PROM1: variants seen among roughly 807,000 people sequenced by gnomAD.
PROM1 encodes prominin 1, also known as prominin-1.
Under a neutral mutation model 116.9 loss-of-function variants are expected in PROM1, and 105 were observed. The observed-to-expected ratio is 0.90, with a 90% confidence interval of 0.77 to 1.06. PROM1 has a LOEUF of 1.06. Ranked by LOEUF, PROM1 falls within the 50% of genes least tolerant of loss-of-function variation. The pLI, the probability that PROM1 is intolerant of heterozygous loss-of-function variation, is 0.00. For missense variants in PROM1, 1,122 were observed against 1,045.2 expected (o/e 1.07, Z -1.01); for synonymous variants, 393 against 387.0 (o/e 1.02, Z -0.18).
intron 10 of PROM1, 149 bp downstream of exon 10, chr4:16,016,017 C>T: frequency 1.5e-6 from 1 of 674,154 alleles, no homozygotes. Context: ...AGGATGAACA[C>T]AATTGCCTGG....
chr4:16,063,934 G>T (rs1047178281), intron 2 of PROM1, among the ~76,000 whole-genome samples: 47 of 152,174 alleles, frequency 3.1e-4, no homozygotes, highest in African/African-American at 1.1e-3. Context: ...GTTGAAAGTT[G>T]TTGGAGCTGA....
At chr4:16,005,523 T>C (rs1379904785) in intron 13 of PROM1, among the ~76,000 whole-genome samples, 1 of 151,546 alleles carries the variant, frequency 6.6e-6, no homozygotes, top group Non-Finnish European at 1.5e-5. Flanking sequence ...TGTGTGTGTG[T>C]GTGTGTGTGT....
At position 16,035,735 on chromosome 4, in the gene PROM1, C is replaced by G; in HGVS notation, c.303G>C (p.Lys101Asn). The change falls in exon 4 of 28, where the codon AAG becomes AAC. Residue 101 changes from lysine to asparagine, a missense_variant and splice_region_variant. Physicochemically the swap from Lys to Asn is moderately conservative, Grantham distance 94. Coordinates refer to ENST00000447510, the MANE Select transcript of PROM1 (RefSeq NM_006017.3). ...DKPETVILGL[K>N]IVYYEAGIIL... ...TTGAAATAGCAGACAAGGACTTTAC[C>G]TTTAGACCTAAGATTACAGTTTCTG... 6.2e-7 allele frequency: 1 copy of G among 1,613,130 alleles called. No homozygotes were observed. Among genetic ancestry groups the G allele is most frequent in the Non-Finnish European group, 8.5e-7 (1 of 1,179,190 alleles).
chr4:16,002,333 G>A (rs1724089761), intron 13 of PROM1, among the ~76,000 whole-genome samples: 1 of 152,176 alleles, frequency 6.6e-6, no homozygotes, highest in Non-Finnish European at 1.5e-5. Context: ...AATGTACCCG[G>A]TGCGTAGCTT....
At chr4:15,982,402 T>C (rs1560396487) in intron 23 of PROM1, among the ~76,000 whole-genome samples, 1 of 152,224 alleles carries the variant, frequency 6.6e-6, no homozygotes, top group South Asian at 2.1e-4. Context: ...TTCAACCTTG[T>C]CTTGAGAAGC....
In PROM1 at chr4:16,081,911, G is replaced by GA. The variant is rs546813472; in HGVS notation, c.-213+2066dup. Among the ~76,000 whole-genome samples the GA allele has an allele frequency of 2.3e-4, 18 of 76,670 alleles. No individual in the cohort carries two copies. The East Asian group carries it at 4.2e-3, about 18-fold the overall frequency. 50.3% of individuals were successfully genotyped at this position (76,670 alleles called of 152,430 possible). The stretch of plus-strand genomic sequence containing the variant: ...TTTAGAAAAAAATTATGGAACACAT[G>GA]AAAAAAAAAACAAGAATAAACTAAA... On this transcript the variant is annotated intron_variant, in intron 1 of 27. Coordinates refer to ENST00000447510, the MANE Select transcript of PROM1 (RefSeq NM_006017.3).
At chr4:16,078,364 G>A (rs1327851609) in intron 1 of PROM1, 1 of 152,302 alleles carries the variant, frequency 6.6e-6, no homozygotes, top group Non-Finnish European at 1.5e-5. Context: ...GCAGCAAGAA[G>A]TGCCCCAGAC....
At chr4:16,000,910 C>A (rs1389459954) in intron 13 of PROM1, among the ~76,000 whole-genome samples, 2 of 150,838 alleles carry the variant, frequency 1.3e-5, no homozygotes, top group African/African-American at 4.9e-5. Flanking sequence ...GGGACAGCTC[C>A]AGGGAAGGCG....
intron 4 of PROM1, among the ~76,000 whole-genome samples, chr4:16,035,226 TCTTA>T (rs1407546465): frequency 2.0e-5 from 3 of 152,152 alleles, no homozygotes; most frequent in African/African-American, 7.2e-5. Context: ...CATTCCAAAC[TCTTA>T]CTTACGTATT....
chr4:15,983,352 G>A (rs527325105), intron 23 of PROM1, among the ~76,000 whole-genome samples: 8 of 151,928 alleles, frequency 5.3e-5, no homozygotes, highest in Non-Finnish European at 1.2e-4. Flanking sequence ...AACAGCCCAT[G>A]TAGGCGAGGA....
intron 2 of PROM1, among the ~76,000 whole-genome samples, chr4:16,050,223 T>C (rs1442640035): frequency 6.6e-6 from 1 of 151,090 alleles, no homozygotes; most frequent in East Asian, 2.0e-4. Flanking sequence ...ATCATGCCAC[T>C]GAACTCCAGC....
chr4:16,022,275 T>C (rs1262402218), intron 8 of PROM1, among the ~76,000 whole-genome samples: 1 of 152,032 alleles, frequency 6.6e-6, no homozygotes, highest in Non-Finnish European at 1.5e-5. Flanking sequence ...TTTCCTTGCC[T>C]GGAAAGAAAA....
intron 8 of PROM1, among the ~76,000 whole-genome samples, chr4:16,021,316 A>G (rs1390392543): frequency 6.6e-6 from 1 of 152,242 alleles, no homozygotes; most frequent in African/African-American, 2.4e-5. Context: ...TTGCAAGAAC[A>G]TTGGGCAAAA....
At chr4:15,987,156 G>A (rs534617568) in intron 20 of PROM1, among the ~76,000 whole-genome samples, 8 of 152,234 alleles carry the variant, frequency 5.3e-5, no homozygotes, top group Non-Finnish European at 1.0e-4. Flanking sequence ...TGGTGAAGGG[G>A]CAGGGTGCCC....
At chr4:16,074,328 G>A (rs192729994) in intron 2 of PROM1, among the ~76,000 whole-genome samples, 139 of 152,142 alleles carry the variant, frequency 9.1e-4, no homozygotes, top group African/African-American at 2.7e-3. Context: ...CTTGTACCCC[G>A]TGAATATATA....
intron 19 of PROM1, among the ~76,000 whole-genome samples, chr4:15,988,325 T>C (rs1720024781): frequency 6.6e-6 from 1 of 152,218 alleles, no homozygotes; most frequent in Non-Finnish European, 1.5e-5. Flanking sequence ...AGGCATTATT[T>C]AAAGCAGAGC....
chr4:15,986,108 A>C (rs1719345958), intron 20 of PROM1, 71 bp from the exon 21 acceptor site: 2 of 1,124,206 alleles, frequency 1.8e-6, no homozygotes, highest in African/African-American at 1.5e-5. Flanking sequence ...TTGCATATTG[A>C]TTCAAGTACT....
At chr4:16,043,167 CCA>C (rs906415363) in intron 2 of PROM1, among the ~76,000 whole-genome samples, 7 of 152,042 alleles carry the variant, frequency 4.6e-5, no homozygotes, top group Non-Finnish European at 7.4e-5. Context: ...GATCTGAGAC[CCA>C]CAGTGTGTGA....
At chr4:16,002,264 T>C (rs1456120770) in intron 13 of PROM1, among the ~76,000 whole-genome samples, 1 of 152,020 alleles carries the variant, frequency 6.6e-6, no homozygotes, top group Non-Finnish European at 1.5e-5. Flanking sequence ...AAAGAAAAGA[T>C]TTGTCAGACT....
Sources: allele counts gnomAD v4.1 joint callset (sites outside exome capture counted in the v4.1 genomes callset), GRCh38; gene constraint gnomAD v4.1.1; transcripts MANE v1.5; gene names NCBI Gene and HGNC (gene_info 2026-07-23, HGNC 2026-07-21).